The following CSMD1 variants were observed in gnomAD, a reference collection of about 807,000 sequenced individuals.
CSMD1 encodes the protein CUB and sushi domain-containing protein 1.
Under a neutral mutation model 417.5 loss-of-function variants are expected in CSMD1, and 213 were observed. The ratio of observed to expected loss-of-function variants is 0.51; its 90% CI spans 0.46 to 0.57. The LOEUF (loss-of-function observed/expected upper bound fraction) is 0.57. CSMD1 is among the 20% of genes least tolerant of loss of function. The probability of loss-of-function intolerance (pLI) is 0.00; values close to 1 mark genes in which losing one functional copy is unlikely to be tolerated. For synonymous variants in CSMD1, 2,862 were observed against 1,736.8 expected (o/e 1.65, Z -16.11); for missense variants, 6,923 against 4,529.7 (o/e 1.53, Z -15.17).
At chr8:3,261,144 T>A (rs981908233) in intron 26 of CSMD1, among the ~76,000 whole-genome samples, 1 of 152,202 alleles carries the variant, frequency 6.6e-6, no homozygotes. Context: ...CACTTAAATT[T>A]AAAATTTCTA....
intron 54 of CSMD1, among the ~76,000 whole-genome samples, chr8:2,988,795 C>T (rs1486521897): frequency 2.6e-5 from 4 of 152,124 alleles, no homozygotes; most frequent in Non-Finnish European, 5.9e-5. Context: ...TCTAATTGAT[C>T]ACAAGCACTG....
At chr8:3,218,054 A>G (rs947175281) in intron 29 of CSMD1, among the ~76,000 whole-genome samples, 1 of 152,230 alleles carries the variant, frequency 6.6e-6, no homozygotes, top group South Asian at 2.1e-4. Context: ...TGGACCCAAT[A>G]GCAAAATGTT....
At chr8:4,429,055 C>T (rs1294633050) in intron 2 of CSMD1, among the ~76,000 whole-genome samples, 1 of 151,866 alleles carries the variant, frequency 6.6e-6, no homozygotes, top group South Asian at 2.1e-4. Context: ...TACATACTTA[C>T]AGTGTACAAT....
intron 41 of CSMD1, among the ~76,000 whole-genome samples, chr8:3,141,262 CA>C (rs1333582551): frequency 1.3e-5 from 2 of 152,158 alleles, no homozygotes; most frequent in Non-Finnish European, 2.9e-5. Context: ...ACCGCCTTTA[CA>C]AAATTATACC....
chr8:3,782,651 A>T (rs1014093222), intron 5 of CSMD1, among the ~76,000 whole-genome samples: 5 of 152,216 alleles, frequency 3.3e-5, no homozygotes, highest in African/African-American at 9.6e-5. Flanking sequence ...GTAATTTAAA[A>T]AATGCTATAT....
chr8:3,617,207 C>T (rs1378863137), intron 7 of CSMD1, among the ~76,000 whole-genome samples: 1 of 152,156 alleles, frequency 6.6e-6, no homozygotes, highest in East Asian at 1.9e-4. Context: ...TATTTACTAA[C>T]TTCTATACAA....
intron 5 of CSMD1, among the ~76,000 whole-genome samples, chr8:3,800,430 T>A (rs1191881633): frequency 6.6e-6 from 1 of 152,114 alleles, no homozygotes; most frequent in African/African-American, 2.4e-5. Flanking sequence ...GCTTGAGAAA[T>A]AGTATAAATT....
chr8:4,418,883 C>T (rs1432178689), intron 3 of CSMD1, among the ~76,000 whole-genome samples: 2 of 152,124 alleles, frequency 1.3e-5, no homozygotes, highest in Non-Finnish European at 2.9e-5. Context: ...ACATTAGAGG[C>T]AGAATCGCAG....
At chr8:3,522,266 A>G (rs1797540122) in intron 10 of CSMD1, among the ~76,000 whole-genome samples, 1 of 152,240 alleles carries the variant, frequency 6.6e-6, no homozygotes, top group South Asian at 2.1e-4. Context: ...AATAATTTCC[A>G]TTAAGCAACA....
chr8:4,098,264 G>C (rs1232639671), intron 3 of CSMD1, among the ~76,000 whole-genome samples: 6 of 152,124 alleles, frequency 3.9e-5, no homozygotes, highest in Admixed American at 2.0e-4. Context: ...TACTTCAGAT[G>C]TAATGGCATC....
At chr8:4,194,469 C>T (rs1202037098) in intron 3 of CSMD1, among the ~76,000 whole-genome samples, 1 of 152,116 alleles carries the variant, frequency 6.6e-6, no homozygotes, top group South Asian at 2.1e-4. Flanking sequence ...CAATAGCGCC[C>T]TGTCACTTTT....
chr8:4,289,606 G>A (rs573073737), intron 3 of CSMD1, among the ~76,000 whole-genome samples: 3 of 152,150 alleles, frequency 2.0e-5, no homozygotes, highest in South Asian at 2.1e-4. Context: ...CGATGGTGCC[G>A]TGGATGATGG....
At chr8:3,365,132 G>C (rs1254546491) in intron 20 of CSMD1, among the ~76,000 whole-genome samples, 4 of 152,156 alleles carry the variant, frequency 2.6e-5, no homozygotes, top group African/African-American at 4.8e-5. Flanking sequence ...GGAGAATGCA[G>C]AGAGAGAGGG....
At chr8:4,117,107 T>C (rs1329429038) in intron 3 of CSMD1, among the ~76,000 whole-genome samples, 1 of 151,932 alleles carries the variant, frequency 6.6e-6, no homozygotes, top group Non-Finnish European at 1.5e-5. Context: ...CCTTGAGCTT[T>C]GTTTTTTCTT....
chr8:4,330,054 A>T (rs995989886), intron 3 of CSMD1, among the ~76,000 whole-genome samples: 2 of 152,138 alleles, frequency 1.3e-5, no homozygotes, highest in African/African-American at 4.8e-5. Flanking sequence ...TTTCTTCATA[A>T]ATTATGCAGT....
At chr8:3,434,787 AC>A in intron 12 of CSMD1, among the ~76,000 whole-genome samples, 1 of 152,324 alleles carries the variant, frequency 6.6e-6, no homozygotes, top group East Asian at 1.9e-4. Flanking sequence ...CCTGGAACAG[AC>A]AGTTCCTTAC....
At chr8:3,389,687 A>C (rs1216456153) in intron 17 of CSMD1, among the ~76,000 whole-genome samples, 1 of 152,110 alleles carries the variant, frequency 6.6e-6, no homozygotes, top group African/African-American at 2.4e-5. Context: ...AATGAAATTT[A>C]TAAACCATAA....
chr8:3,928,286 T>A (rs1428263991), intron 5 of CSMD1, among the ~76,000 whole-genome samples: 2 of 152,208 alleles, frequency 1.3e-5, no homozygotes, highest in African/African-American at 2.4e-5. Context: ...AAATGTTACA[T>A]TGATTATTCA....
rs1228476886 is a variant in CSMD1 at position 4,965,311 on chromosome 8, T to C, written c.85+29021A>G. Among the ~76,000 whole-genome samples the C allele has an allele frequency of 2.0e-5, 3 of 152,350 alleles. No homozygotes were observed. The East Asian group carries it at 5.8e-4, about 29-fold the overall frequency. On this transcript the variant is annotated intron_variant, in intron 1 of 69. Transcript: ENST00000635120. ...ATTGTGTATCAGGCATAGTTGCAAA[T>C]GCTTTACATGTATTACTTCAATCAA...
Sources: gnomAD v4.1 joint callset for allele counts (sites outside exome capture counted in the v4.1 genomes callset) on GRCh38, gnomAD v4.1.1 for gene constraint, MANE v1.5 for transcripts, NCBI Gene and HGNC (gene_info 2026-07-23, HGNC 2026-07-21) for gene names.